Variants in EBNA1BP2 observed in about 807,000 individuals in gnomAD.
EBNA1BP2 encodes EBNA1 binding protein 2.
EBNA1BP2 carries 36 observed loss-of-function variants against 43.5 expected under a neutral mutation model. That is an observed-to-expected ratio of 0.83 (90% confidence interval 0.63 to 1.09). The LOEUF is 1.09. EBNA1BP2 is among the 50% of genes least tolerant of loss of function. The pLI is 0.00. For synonymous variants in EBNA1BP2, 127 were observed against 141.3 expected (o/e 0.90, Z 0.72); for missense variants, 332 against 379.1 (o/e 0.88, Z 1.03).
Position 43,167,226 on chromosome 1 carries a change from C to A in EBNA1BP2, c.547G>T (p.Glu183Ter). The change falls in exon 6 of 9, where the codon GAG becomes TAG. Residue 183 changes from glutamate to a stop codon, truncating the protein, a stop_gained. Coordinates refer to ENST00000236051, the MANE Select transcript of EBNA1BP2 (RefSeq NM_006824.3). LOFTEE classifies it high-confidence loss of function. ...LRKYGKKVQT[E>*]VLQKRQQEKA... ...TCCTGCTGCCTCTTCTGAAGAACCT[C>A]CGTTTGCACCTGTGATATGAACACA... 1 of 1,614,146 alleles carries A rather than the reference C, an allele frequency of 6.2e-7. No homozygotes were observed. Among genetic ancestry groups the A allele is most frequent in the Non-Finnish European group, 8.5e-7 (1 of 1,180,036 alleles).
At chr1:43,172,569 G>A (rs566824556), upstream of EBNA1BP2, 2 of 755,874 alleles carry the variant, frequency 2.6e-6, no homozygotes, top group African/African-American at 3.5e-5. Flanking sequence ...CCCCGGGGGA[G>A]GGGAAAGGGG....
At chr1:43,171,259 T>C (rs1644965050) in intron 3 of EBNA1BP2, 1 of 580,006 alleles carries the variant, frequency 1.7e-6, no homozygotes, top group African/African-American at 1.9e-5. Flanking sequence ...AGTTTTAACA[T>C]GAATATTTCA....
At chr1:43,169,178 A>C in intron 4 of EBNA1BP2, 150 bp from the exon 5 acceptor site, 1 of 800,536 alleles carries the variant, frequency 1.2e-6, no homozygotes, top group Admixed American at 2.3e-5. Flanking sequence ...AATGGGGCCC[A>C]CAGGCTGAGC....
intron 3 of EBNA1BP2, chr1:43,171,231 A>G: frequency 2.0e-6 from 1 of 511,252 alleles, no homozygotes. Context: ...TTTCCTAATA[A>G]CTGAAGCATG....
In EBNA1BP2 at chr1:43,170,846, G is replaced by C. The variant is rs568586411; in HGVS notation, c.357C>G (p.Val119=). The C allele has an allele frequency of 1.9e-6, 3 of 1,599,962 alleles. No homozygotes were observed. The highest frequency in any genetic ancestry group is 3.5e-5 in the Admixed American group (2 of 57,136). ...YRQAQAAVLA[V]LPRLHQLKVP... ...CTTTGAGCTGATGGAGGCGGGGTAA[G>C]ACTGCAAGCACTGCGGCCTGGGCTT... The change falls in exon 4 of 9, where the codon GTC becomes GTG. Residue 119 remains valine, a synonymous_variant. Transcript: ENST00000236051.
Sources: gnomAD v4.1 joint callset for allele counts on GRCh38, gnomAD v4.1.1 for gene constraint, MANE v1.5 for transcripts, NCBI Gene and HGNC (gene_info 2026-07-23, HGNC 2026-07-21) for gene names.